The following RAX variants were observed in gnomAD, a reference collection of about 807,000 sequenced individuals.
The protein encoded by RAX is retinal homeobox protein Rx.
In RAX, 11 loss-of-function variants were observed where a neutral mutation model predicts 17.4. That is an observed-to-expected ratio of 0.63 (90% confidence interval 0.40 to 1.05). The LOEUF (loss-of-function observed/expected upper bound fraction) is 1.05. Among genes scored for constraint, RAX ranks in the 50% least tolerant of loss-of-function variants. The pLI is 0.00. For missense variants in RAX, 527 were observed against 501.1 expected (o/e 1.05, Z -0.49); for synonymous variants, 276 against 254.7 (o/e 1.08, Z -0.80).
At chr18:59,272,786 C>T (rs1448916689) in intron 1 of RAX, 132 bp downstream of exon 1, 1 of 1,376,858 alleles carries the variant, frequency 7.3e-7, no homozygotes, top group Non-Finnish European at 9.6e-7. Context: ...AAATTGGAAG[C>T]TCCCGCCATA....
intron 2 of RAX, among the ~76,000 whole-genome samples, chr18:59,271,567 T>A (rs1422449069): frequency 1.3e-5 from 2 of 152,184 alleles, no homozygotes; most frequent in Non-Finnish European, 2.9e-5. Context: ...AACACTTGAG[T>A]GTTCTCATTT....
Position 59,272,973 on chromosome 18 carries a change from C to T in RAX, c.234G>A (p.Glu78=). 6.6e-7 allele frequency: 1 copy of T among 1,522,018 alleles called. No homozygotes were observed. The highest frequency in any genetic ancestry group is 8.8e-7 in the Non-Finnish European group (1 of 1,142,104). The allele number at this position is 1,522,018 out of a possible 1,614,324, so 94.3% of individuals were successfully genotyped here. Residue 78 remains glutamate, a synonymous_variant, in exon 1 of 3, where the codon GAG becomes GAA. Coordinates refer to ENST00000334889, the MANE Select transcript of RAX (RefSeq NM_013435.3). ...GCGGCGGGGAGGGCTCGGAGCCTTC[C>T]TCGGGCGCCTTGGGGCAGGCGGGCC... ...GARPACPKAP[E]EGSEPSPPPA... is the part of the protein sequence containing the mutation.
At chr18:59,271,604 C>A (rs1485570914) in intron 2 of RAX, among the ~76,000 whole-genome samples, 1 of 152,228 alleles carries the variant, frequency 6.6e-6, no homozygotes, top group African/African-American at 2.4e-5. Flanking sequence ...ATTAGACACA[C>A]ACAAAAATCC....
At position 59,268,942 on chromosome 18, in the gene RAX, G is replaced by C. The variant is rs1385879279; in HGVS notation, c.*62C>G. Reference sequence around the variant, plus strand: ...CTGGGGAGGGGGGTTGTCCCTGGGAGAGAGGATGCGGGTACGGTGCGGTCG... The same window carrying C: ...CTGGGGAGGGGGGTTGTCCCTGGGACAGAGGATGCGGGTACGGTGCGGTCG... On this transcript the variant is annotated 3_prime_UTR_variant, in exon 3 of 3. Transcript: ENST00000334889. The surrounding 1 kb of genome is among the most constrained non-coding windows in gnomAD (Gnocchi z 4.4). The C allele has an allele frequency of 6.2e-7, 1 of 1,611,856 alleles. No individual in the cohort carries two copies. Among genetic ancestry groups the C allele is most frequent in the Non-Finnish European group, 8.5e-7 (1 of 1,179,402 alleles).
In RAX at chr18:59,268,852, G is replaced by T; in HGVS notation, c.*152C>A. ...TCGCCCTTCTCCCCGTGCATCGGGA[G>T]CAGGCGCGTGGCCCTGAACTATGCT... On this transcript the variant is annotated 3_prime_UTR_variant, in exon 3 of 3. Coordinates refer to ENST00000334889, the MANE Select transcript of RAX (RefSeq NM_013435.3). This position sits in a 1 kb window ranked among gnomAD's most constrained non-coding sequence, Gnocchi z 4.4. 7.8e-7 allele frequency: 1 copy of T among 1,280,172 alleles called. No individual in the cohort carries two copies. Among genetic ancestry groups the T allele is most frequent in the Non-Finnish European group, 1.1e-6 (1 of 928,604 alleles). 79.3% of individuals were successfully genotyped at this position (1,280,172 alleles called of 1,614,324 possible).
chr18:59,270,396 T>C (rs2070328533), intron 2 of RAX, among the ~76,000 whole-genome samples: 1 of 152,248 alleles, frequency 6.6e-6, no homozygotes, highest in Non-Finnish European at 1.5e-5. Context: ...TTTTGCTTCT[T>C]CTTCTTTATC....
At chr18:59,272,745 C>G in intron 1 of RAX, 131 bp from the exon 2 acceptor site, 1 of 1,386,070 alleles carries the variant, frequency 7.2e-7, no homozygotes, top group Non-Finnish European at 9.5e-7. Flanking sequence ...GTGGTGAGGG[C>G]GGCGATGGGT....
intron 2 of RAX, among the ~76,000 whole-genome samples, chr18:59,270,900 C>G (rs377557828): frequency 2.6e-4 from 40 of 152,292 alleles, no homozygotes; most frequent in African/African-American, 8.7e-4. Flanking sequence ...CCTGTCCCAC[C>G]ACCTTCTCGG....
Position 59,269,109 on chromosome 18 carries a change from C to A in RAX, c.936G>T (p.Lys312Asn). The A allele has an allele frequency of 1.9e-6, 3 of 1,610,828 alleles. No individual in the cohort carries two copies. The highest frequency in any genetic ancestry group is 2.5e-6 in the Non-Finnish European group (3 of 1,178,824). The change falls in exon 3 of 3, where the codon AAG (lysine) becomes AAT (asparagine). Residue 312 changes from lysine (K) to asparagine (N), a missense_variant. Coordinates refer to ENST00000334889, the MANE Select transcript of RAX (RefSeq NM_013435.3). ...GCGGGTCCGCCTCGTCCAGCGGGAA[C>A]TTGTCCCCGAAGCCGGGCCCGCACG... The part of the protein sequence containing the change: ...SYPCGPGFGD[K>N]FPLDEADPRN...
chr18:59,272,178 C>T (rs993766819), intron 2 of RAX, among the ~76,000 whole-genome samples, 183 bp downstream of exon 2: 1 of 152,370 alleles, frequency 6.6e-6, no homozygotes, highest in East Asian at 1.9e-4. Flanking sequence ...CTGGAACAGA[C>T]TGCTTGAAGG....
In RAX at chr18:59,268,836, TCCCCGTGCATCGGGAGCAGGCGCGTGG is replaced by T; in HGVS notation, c.*141_*167del. ...TCCTCAGGCCTGAAAGTCGCCCTTC[TCCCCGTGCATCGGGAGCAGGCGCGTGG>T]CCCTGAACTATGCTTGGCGGGTGGC... On this transcript the variant is annotated 3_prime_UTR_variant, in exon 3 of 3. Coordinates refer to ENST00000334889, the MANE Select transcript of RAX (RefSeq NM_013435.3). This position sits in a 1 kb window ranked among gnomAD's most constrained non-coding sequence, Gnocchi z 4.4. The T allele has an allele frequency of 8.6e-7, 1 of 1,165,240 alleles. No homozygotes were observed. Among genetic ancestry groups the T allele is most frequent in the Non-Finnish European group, 1.2e-6 (1 of 832,490 alleles). 72.2% of individuals were successfully genotyped at this position (1,165,240 alleles called of 1,614,324 possible).
Position 59,272,626 on chromosome 18 carries a change from A to G in RAX, c.290-12T>C, listed in dbSNP as rs2070348310. ...GTAGGGTCGAGGGGCTGGGGCGACG[A>G]GGCCCGGGAGGGTCAGATGCACTCC... On this transcript the variant is annotated splice_polypyrimidine_tract_variant and intron_variant, in intron 1 of 2. Transcript: ENST00000334889. 1 of 1,605,110 alleles carries G rather than the reference A, an allele frequency of 6.2e-7. No homozygotes were observed.
Position 59,269,306 on chromosome 18 carries a change from G to C in RAX, c.739C>G (p.Pro247Ala). ...GALPLESWLG[P>A]PLPGGGATAL... ...GTGGCGCCCCCGCCCGGCAGCGGCG[G>C]CCCGAGCCAGGACTCCAGCGGCAGC... Residue 247 changes from proline to alanine, a missense_variant, in exon 3 of 3, where the codon CCG (proline) becomes GCG (alanine). Pro to Ala is a conservative substitution (Grantham distance 27). Coordinates refer to ENST00000334889, the MANE Select transcript of RAX (RefSeq NM_013435.3). 1 of 1,286,804 alleles carries C rather than the reference G, an allele frequency of 7.8e-7. No individual in the cohort carries two copies. The highest frequency in any genetic ancestry group is 9.8e-7 in the Non-Finnish European group (1 of 1,023,402). 79.7% of individuals were successfully genotyped at this position (1,286,804 alleles called of 1,614,324 possible).
intron 2 of RAX, among the ~76,000 whole-genome samples, chr18:59,271,276 G>T (rs1396739358): frequency 6.6e-6 from 1 of 152,164 alleles, no homozygotes; most frequent in Non-Finnish European, 1.5e-5. Context: ...GTACTGGAAG[G>T]CTTTGCCTCT....
chr18:59,272,405 C>T lies in RAX; in HGVS notation c.499G>A (p.Glu167Lys), dbSNP rs1178632580. The T allele has an allele frequency of 6.2e-7, 1 of 1,614,260 alleles. No homozygotes were observed. Among genetic ancestry groups the T allele is most frequent in the Admixed American group, 1.7e-5 (1 of 60,034 alleles). ...KSHYPDVYSR[E>K]ELAGKVNLPE... ...AGGTTGACCTTGCCGGCCAGCTCCT[C>T]GCGGCTGTACACGTCCGGGTAGTGG... Residue 167 changes from glutamate (E) to lysine (K), a missense_variant, in exon 2 of 3, where the codon GAG becomes AAG. Physicochemically the swap from Glu to Lys is moderately conservative, Grantham distance 56 (BLOSUM62 1). Transcript: ENST00000334889.
Position 59,272,938 on chromosome 18 carries a change from G to T in RAX, c.269C>A (p.Ala90Glu), listed in dbSNP as rs1241615611. 2.1e-6 allele frequency: 3 copies of T among 1,460,372 alleles called. No homozygotes were observed. Among genetic ancestry groups the T allele is most frequent in the South Asian group, 1.5e-5 (1 of 67,964 alleles). 90.5% of individuals were successfully genotyped at this position (1,460,372 alleles called of 1,614,324 possible). The part of the protein sequence containing the change: ...GSEPSPPPAP[A>E]PAPEYEAPRP... ...CTCACCTTCGTACTCGGGGGCGGGC[G>T]CCGGGGCTGGCGGCGGGGAGGGCTC... is the stretch of plus-strand genomic sequence containing the variant. The change falls in exon 1 of 3, where the codon GCG becomes GAG. Residue 90 changes from alanine to glutamate, a missense_variant. Transcript: ENST00000334889.
Position 59,269,897 on chromosome 18 carries a change from A to G in RAX, c.544-396T>C, listed in dbSNP as rs573392420. ...TAGTGCGTAGCAGAAGCTCAGAAAA[A>G]AAAAGTGAATTTAACTCCGCAATCG... On this transcript the variant is annotated intron_variant, in intron 2 of 2. Coordinates refer to ENST00000334889, the MANE Select transcript of RAX (RefSeq NM_013435.3). Among the ~76,000 whole-genome samples the G allele has an allele frequency of 2.6e-5, 4 of 152,226 alleles. No individual in the cohort carries two copies. In the East Asian group the frequency reaches 7.7e-4, roughly 29 times the overall value.
Position 59,272,943 on chromosome 18 carries a change from G to A in RAX, c.264C>T (p.Ala88=). The change falls in exon 1 of 3, where the codon GCC becomes GCT. Residue 88 remains alanine, a synonymous_variant. Coordinates refer to ENST00000334889, the MANE Select transcript of RAX (RefSeq NM_013435.3). ...EEGSEPSPPP[A]PAPAPEYEAP... ...CTTCGTACTCGGGGGCGGGCGCCGG[G>A]GCTGGCGGCGGGGAGGGCTCGGAGC... is the stretch of plus-strand genomic sequence containing the variant. The A allele has an allele frequency of 6.8e-7, 1 of 1,461,326 alleles. No individual in the cohort carries two copies. The highest frequency in any genetic ancestry group is 8.9e-7 in the Non-Finnish European group (1 of 1,123,144). The allele number at this position is 1,461,326 out of a possible 1,614,324, so 90.5% of individuals were successfully genotyped here.
At chr18:59,272,884 G>T in intron 1 of RAX, 34 bp downstream of exon 1, 2 of 1,490,328 alleles carry the variant, frequency 1.3e-6, no homozygotes, top group South Asian at 1.4e-5. Flanking sequence ...TCGGGCGCCC[G>T]AACGGCCTCG....
Sources: allele counts gnomAD v4.1 joint callset (sites outside exome capture counted in the v4.1 genomes callset), GRCh38; gene constraint gnomAD v4.1.1; non-coding constraint Gnocchi (gnomAD v3.1); transcripts MANE v1.5; gene names NCBI Gene and HGNC (gene_info 2026-07-23, HGNC 2026-07-21).